SND1: variants seen among roughly 807,000 people sequenced by gnomAD.
The protein encoded by SND1 is staphylococcal nuclease and tudor domain containing 1, also known as staphylococcal nuclease domain-containing protein 1.
Under a neutral mutation model 121.7 loss-of-function variants are expected in SND1, and 38 were observed. The observed-to-expected ratio is 0.31, with a 90% CI of 0.24 to 0.41. The LOEUF (loss-of-function observed/expected upper bound fraction) is 0.41. Among genes scored for constraint, SND1 ranks in the 10% least tolerant of loss-of-function variants. The probability of loss-of-function intolerance (pLI) is 1.00; values close to 1 mark genes in which losing one functional copy is unlikely to be tolerated. For synonymous variants in SND1, 401 were observed against 447.4 expected (o/e 0.90, Z 1.31); for missense variants, 868 against 1,184.6 (o/e 0.73, Z 3.92).
At chr7:127,905,438 G>A (rs917769482) in intron 14 of SND1, among the ~76,000 whole-genome samples, 3 of 152,214 alleles carry the variant, frequency 2.0e-5, no homozygotes, top group Non-Finnish European at 4.4e-5. Context: ...GCATAGATCC[G>A]TTTGATAGTT....
intron 11 of SND1, among the ~76,000 whole-genome samples, chr7:127,843,695 T>G (rs1438361199): frequency 6.6e-6 from 1 of 152,238 alleles, no homozygotes; most frequent in Non-Finnish European, 1.5e-5. Flanking sequence ...AAGCCACTGT[T>G]AATATCCATG....
At chr7:127,878,848 T>C (rs1799737486) in intron 12 of SND1, among the ~76,000 whole-genome samples, 1 of 152,178 alleles carries the variant, frequency 6.6e-6, no homozygotes, top group East Asian at 1.9e-4. Context: ...GTGTGCCACC[T>C]CAAATGTTTC....
At chr7:128,084,904 C>T (rs1793663451) in intron 19 of SND1, 57 bp downstream of exon 19, 2 of 1,520,886 alleles carry the variant, frequency 1.3e-6, no homozygotes, top group Non-Finnish European at 1.8e-6. Context: ...GCAGGGCTGT[C>T]CTCAGGCCTC....
intron 4 of SND1, 30 bp from the exon 5 acceptor site, chr7:127,701,133 A>G: frequency 6.2e-7 from 1 of 1,611,472 alleles, no homozygotes; most frequent in Non-Finnish European, 8.5e-7. Context: ...TGAACTCACT[A>G]ACCACTCTTG....
At chr7:127,806,625 T>A (rs975764823) in intron 10 of SND1, among the ~76,000 whole-genome samples, 2 of 152,212 alleles carry the variant, frequency 1.3e-5, no homozygotes, top group African/African-American at 4.8e-5. Context: ...TAGCATTTAG[T>A]CCCTAGTCTG....
At chr7:127,987,334 C>T (rs1802416996) in intron 15 of SND1, among the ~76,000 whole-genome samples, 1 of 152,160 alleles carries the variant, frequency 6.6e-6, no homozygotes, top group Admixed American at 6.5e-5. Flanking sequence ...GCATCACCAG[C>T]CCAGCAGTGC....
At chr7:128,008,212 A>C (rs1486460293) in intron 16 of SND1, 1 of 152,182 alleles carries the variant, frequency 6.6e-6, no homozygotes, top group Non-Finnish European at 1.5e-5. Flanking sequence ...TAAGTTAGAG[A>C]AGTCATCCAG....
At chr7:128,028,860 C>T (rs1046822930) in intron 16 of SND1, 10 of 1,614,022 alleles carry the variant, frequency 6.2e-6, no homozygotes, top group Non-Finnish European at 8.5e-6. Flanking sequence ...CACTACTGCC[C>T]CCTCACCTGA....
At chr7:128,088,279 T>TAAAA (rs35128808) in intron 21 of SND1, among the ~76,000 whole-genome samples, 4 of 104,334 alleles carry the variant, frequency 3.8e-5, no homozygotes, top group African/African-American at 3.9e-5. Context: ...ACCCTGTCTC[T>TAAAA]AAAAAAAAAA....
chr7:128,023,729 T>C (rs1169940345), intron 16 of SND1, among the ~76,000 whole-genome samples: 2 of 152,224 alleles, frequency 1.3e-5, no homozygotes, highest in Non-Finnish European at 2.9e-5. Flanking sequence ...TTTGGACATA[T>C]ACAATGTTCA....
In SND1 at chr7:127,975,724, G is replaced by T. The variant is rs115236722; in HGVS notation, c.1670-15223G>T. 5.0e-3 allele frequency among the ~76,000 whole-genome samples: 764 copies of T among 152,244 alleles called. 6 individuals are homozygous for T. Among genetic ancestry groups the T allele is most frequent in the African/African-American group, 0.017 (706 of 41,544 alleles). The stretch of plus-strand genomic sequence containing the variant: ...TTGGAAGACATGTGAAGGGTGTGAG[G>T]CTGGCAGATCACTACAGAAGGGGTG... On this transcript the variant is annotated intron_variant, in intron 15 of 23. Coordinates refer to ENST00000354725, the MANE Select transcript of SND1 (RefSeq NM_014390.4).
chr7:127,760,931 C>T (rs920584626), intron 10 of SND1, among the ~76,000 whole-genome samples: 8 of 152,194 alleles, frequency 5.3e-5, no homozygotes, highest in South Asian at 2.1e-4. Flanking sequence ...GTATTCTCAA[C>T]GAAATTCTAG....
At chr7:127,866,457 A>G (rs965892683) in intron 12 of SND1, among the ~76,000 whole-genome samples, 1 of 150,390 alleles carries the variant, frequency 6.6e-6, no homozygotes, top group Non-Finnish European at 1.5e-5. Context: ...GATGCTGCCT[A>G]GGTGTTCCTT....
At chr7:127,697,788 C>T (rs1161526111) in intron 3 of SND1, among the ~76,000 whole-genome samples, 1 of 152,140 alleles carries the variant, frequency 6.6e-6, no homozygotes, top group Non-Finnish European at 1.5e-5. Flanking sequence ...GCTTGTGGGG[C>T]GGTGTATGTA....
chr7:127,816,042 T>C (rs1038356221), intron 11 of SND1, among the ~76,000 whole-genome samples: 1 of 152,216 alleles, frequency 6.6e-6, no homozygotes, highest in Non-Finnish European at 1.5e-5. Context: ...TGTGGAGGAA[T>C]TGATACACCC....
chr7:127,833,162 A>T (rs1230663123), intron 11 of SND1, among the ~76,000 whole-genome samples: 2 of 151,704 alleles, frequency 1.3e-5, no homozygotes, highest in African/African-American at 4.8e-5. Context: ...TGACAACCGG[A>T]GACTTCTGTG....
At chr7:127,772,255 G>C (rs907467623) in intron 10 of SND1, among the ~76,000 whole-genome samples, 3 of 152,190 alleles carry the variant, frequency 2.0e-5, no homozygotes, top group African/African-American at 7.2e-5. Context: ...TTTCTCACTA[G>C]CCAAAATTAG....
intron 16 of SND1, among the ~76,000 whole-genome samples, chr7:128,022,204 CAAAAA>C (rs58371490): frequency 2.7e-5 from 2 of 74,148 alleles, no homozygotes; most frequent in African/African-American, 4.3e-5. Flanking sequence ...GACTCTCTCT[CAAAAA>C]AAAAAAAAAA....
chr7:127,678,880 A>G (rs1164510192), intron 1 of SND1, among the ~76,000 whole-genome samples: 2 of 152,154 alleles, frequency 1.3e-5, no homozygotes, highest in Non-Finnish European at 2.9e-5. Flanking sequence ...ATTAGGACCA[A>G]ACTTTGCCTC....
Sources: gnomAD v4.1 joint callset for allele counts (sites outside exome capture counted in the v4.1 genomes callset) on GRCh38, gnomAD v4.1.1 for gene constraint, MANE v1.5 for transcripts, NCBI Gene and HGNC (gene_info 2026-07-23, HGNC 2026-07-21) for gene names.